BNC2: variants seen among roughly 807,000 people sequenced by gnomAD.
The protein encoded by BNC2 is zinc finger protein basonuclin-2.
A neutral mutation model predicts 76.3 loss-of-function variants in BNC2; 20 were observed. The observed-to-expected ratio is 0.26, with a 90% CI of 0.18 to 0.38. The LOEUF is 0.38. Ranked by LOEUF, BNC2 falls within the 10% of genes least tolerant of loss-of-function variation. The pLI is 1.00. For synonymous variants in BNC2, 582 were observed against 514.8 expected (o/e 1.13, Z -1.77); for missense variants, 1,382 against 1,399.8 (o/e 0.99, Z 0.20).
At chr9:16,807,639 G>A (rs975668629) in intron 1 of BNC2, among the ~76,000 whole-genome samples, 3 of 152,278 alleles carry the variant, frequency 2.0e-5, no homozygotes, top group African/African-American at 7.2e-5. Flanking sequence ...GGAAGTAAAA[G>A]AGTGACAGAA....
intron 6 of BNC2, among the ~76,000 whole-genome samples, chr9:16,422,033 G>A (rs1038904253): frequency 1.3e-5 from 2 of 152,130 alleles, no homozygotes; most frequent in African/African-American, 4.8e-5. Flanking sequence ...AAGACACACT[G>A]AATAAGGAAG....
intron 5 of BNC2, among the ~76,000 whole-genome samples, chr9:16,506,187 T>A (rs922811568): frequency 4.6e-5 from 7 of 152,138 alleles, no homozygotes; most frequent in Non-Finnish European, 1.0e-4. Context: ...TTAAAAAAAA[T>A]ACTGAGTTCC....
chr9:16,654,366 G>A (rs1821870914), intron 3 of BNC2, among the ~76,000 whole-genome samples: 1 of 152,146 alleles, frequency 6.6e-6, no homozygotes, highest in Non-Finnish European at 1.5e-5. Flanking sequence ...CATCTCAGAT[G>A]TTAAAATGTA....
chr9:16,786,433 G>A (rs952393437), intron 1 of BNC2, among the ~76,000 whole-genome samples: 2 of 151,538 alleles, frequency 1.3e-5, no homozygotes, highest in Admixed American at 6.6e-5. Context: ...CAGAAGAAAC[G>A]GAGGGAAAAA....
At chr9:16,752,336 T>C (rs1052538081) in intron 1 of BNC2, among the ~76,000 whole-genome samples, 1 of 152,186 alleles carries the variant, frequency 6.6e-6, no homozygotes, top group Non-Finnish European at 1.5e-5. Context: ...CTGCTTTAAA[T>C]ACAATTAACT....
chr9:16,814,856 T>G (rs1250498589), intron 1 of BNC2, among the ~76,000 whole-genome samples: 1 of 152,172 alleles, frequency 6.6e-6, no homozygotes, highest in Non-Finnish European at 1.5e-5. Flanking sequence ...GATTGACAAG[T>G]GCTTTTTTCT....
intron 1 of BNC2, among the ~76,000 whole-genome samples, chr9:16,745,662 A>G (rs1026622484): frequency 6.6e-6 from 1 of 152,250 alleles, no homozygotes; most frequent in Non-Finnish European, 1.5e-5. Flanking sequence ...AGTCATATTT[A>G]AATAAAGTAT....
At chr9:16,645,102 T>A (rs1196706260) in intron 3 of BNC2, among the ~76,000 whole-genome samples, 1 of 152,218 alleles carries the variant, frequency 6.6e-6, no homozygotes, top group Non-Finnish European at 1.5e-5. Flanking sequence ...CAAGAATTTC[T>A]CTAGTCCTTG....
intron 3 of BNC2, among the ~76,000 whole-genome samples, chr9:16,665,382 A>AG (rs1563887721): frequency 3.6e-5 from 1 of 27,496 alleles, no homozygotes; most frequent in African/African-American, 1.1e-4. Context: ...AAAAAAAAAA[A>AG]AAAAAGAGAG....
intron 3 of BNC2, among the ~76,000 whole-genome samples, chr9:16,713,312 A>C (rs1823903007): frequency 1.3e-5 from 2 of 152,164 alleles, no homozygotes; most frequent in African/African-American, 2.4e-5. Flanking sequence ...ATTTGGAGGT[A>C]GTTTCCAACC....
intron 3 of BNC2, among the ~76,000 whole-genome samples, chr9:16,585,995 T>C (rs1174323983): frequency 6.6e-6 from 1 of 152,154 alleles, no homozygotes; most frequent in Non-Finnish European, 1.5e-5. Flanking sequence ...GAGATTAGTA[T>C]TCAGGTCTGG....
chr9:16,780,244 A>C (rs1432856817), intron 1 of BNC2, among the ~76,000 whole-genome samples: 9 of 112,128 alleles, frequency 8.0e-5, no homozygotes, highest in African/African-American at 3.2e-4. Flanking sequence ...TCAAAAAAAA[A>C]AAAAAAAAAA....
rs540689683 is a variant in BNC2, at chr9:16,576,859, T to G, written c.433+6124A>C. Among the ~76,000 whole-genome samples, 3 of 152,250 alleles carry G rather than the reference T, an allele frequency of 2.0e-5. No homozygotes were observed. The South Asian group carries it at 6.2e-4, about 32-fold the overall frequency. ...TTTAAGCGATTCTCATGCTTCAGCC[T>G]CCCGAGTAGCTGGGATTACAGGTAC... On this transcript the variant is annotated intron_variant, in intron 4 of 6. Coordinates refer to ENST00000380672, the MANE Select transcript of BNC2 (RefSeq NM_017637.6).
intron 1 of BNC2, among the ~76,000 whole-genome samples, chr9:16,833,508 T>C (rs1490407570): frequency 6.6e-6 from 1 of 152,192 alleles, no homozygotes; most frequent in Non-Finnish European, 1.5e-5. Flanking sequence ...TTGACTATAT[T>C]CCTTTATGGT....
intron 3 of BNC2, among the ~76,000 whole-genome samples, chr9:16,673,012 C>T (rs192885804): frequency 1.7e-4 from 26 of 152,250 alleles, no homozygotes; most frequent in African/African-American, 5.3e-4. Flanking sequence ...AATTTTCCTA[C>T]GAGCTGGAAT....
rs577553508 is a variant in BNC2, at chr9:16,506,105, G to A, written c.669+46425C>T. 1.6e-3 allele frequency among the ~76,000 whole-genome samples: 244 copies of A among 152,208 alleles called. 2 individuals are homozygous for A. The highest frequency in any genetic ancestry group is 5.0e-3 in the African/African-American group (208 of 41,540). ...CCATGAAAGCTTTTAAAAATCTATC[G>A]CAAACTTTTCCCATTAAAACTTGGA... On this transcript the variant is annotated intron_variant, in intron 5 of 6. Transcript: ENST00000380672.
chr9:16,512,413 G>A (rs1296228356), intron 5 of BNC2, among the ~76,000 whole-genome samples: 1 of 151,960 alleles, frequency 6.6e-6, no homozygotes, highest in Non-Finnish European at 1.5e-5. Flanking sequence ...TTCTGCCTCC[G>A]TGGCATAACC....
intron 3 of BNC2, among the ~76,000 whole-genome samples, chr9:16,665,340 A>G (rs1231805862): frequency 6.9e-6 from 1 of 144,550 alleles, no homozygotes; most frequent in East Asian, 2.1e-4. Context: ...ACTGTACTCC[A>G]GCCTGGGCAA....
At chr9:16,613,384 C>T (rs956593180) in intron 3 of BNC2, among the ~76,000 whole-genome samples, 3 of 152,142 alleles carry the variant, frequency 2.0e-5, no homozygotes, top group Non-Finnish European at 2.9e-5. Flanking sequence ...AAAAATGTTG[C>T]TTTAATAAAT....
Sources: allele counts gnomAD v4.1 joint callset (sites outside exome capture counted in the v4.1 genomes callset), GRCh38; gene constraint gnomAD v4.1.1; transcripts MANE v1.5; gene names NCBI Gene and HGNC (gene_info 2026-07-23, HGNC 2026-07-21).